Variants in VIRMA observed in about 807,000 individuals in gnomAD.
The protein encoded by VIRMA is vir like m6A methyltransferase associated.
Under a neutral mutation model 182.4 loss-of-function variants are expected in VIRMA, and 65 were observed. The observed-to-expected ratio is 0.36, with a 90% CI of 0.29 to 0.44. The LOEUF is 0.44. VIRMA is among the 20% of genes least tolerant of loss of function. The pLI is 1.00. For missense variants in VIRMA, 1,752 were observed against 2,158.1 expected (o/e 0.81, Z 3.73); for synonymous variants, 709 against 743.1 (o/e 0.95, Z 0.75).
At chr8:94,516,638 T>C (rs1814569318) in intron 10 of VIRMA, among the ~76,000 whole-genome samples, 2 of 152,160 alleles carry the variant, frequency 1.3e-5, no homozygotes, top group Admixed American at 6.5e-5. Flanking sequence ...ATATAGAATA[T>C]ATAGCTCAAA....
At chr8:94,496,268 G>C (rs376456605) in intron 18 of VIRMA, 60 bp downstream of exon 18, 1 of 1,424,020 alleles carries the variant, frequency 7.0e-7, no homozygotes. Context: ...CGAAATACTT[G>C]TACTAGTCAA....
intron 2 of VIRMA, among the ~76,000 whole-genome samples, chr8:94,539,059 A>G (rs970149245): frequency 1.4e-5 from 2 of 147,394 alleles, no homozygotes; most frequent in African/African-American, 5.0e-5. Context: ...ATGCCACTAC[A>G]CTGGGCTAAT....
intron 8 of VIRMA, among the ~76,000 whole-genome samples, chr8:94,525,582 T>C (rs1243483444): frequency 1.3e-5 from 2 of 152,192 alleles, no homozygotes; most frequent in African/African-American, 4.8e-5. Context: ...TCAATGAAAA[T>C]ATTAATCACA....
chr8:94,551,420 A>G (rs966388930), intron 1 of VIRMA, among the ~76,000 whole-genome samples: 1 of 152,212 alleles, frequency 6.6e-6, no homozygotes, highest in Non-Finnish European at 1.5e-5. Context: ...TCAAATCACA[A>G]TTTTGTGAAT....
intron 19 of VIRMA, among the ~76,000 whole-genome samples, chr8:94,495,493 T>A (rs1398446179): frequency 6.6e-6 from 1 of 150,634 alleles, no homozygotes; most frequent in Admixed American, 6.6e-5. Context: ...AATAAAACAA[T>A]GCCCTGATTT....
chr8:94,496,378 T>TGTAGAA lies in VIRMA; in HGVS notation c.4332_4333insTTCTAC (p.Ser1444_Lys1445insPheTyr). 1 of 1,613,462 alleles carries TGTAGAA rather than the reference T, an allele frequency of 6.2e-7. No homozygotes were observed. Among genetic ancestry groups the TGTAGAA allele is most frequent in the Non-Finnish European group, 8.5e-7 (1 of 1,179,792 alleles). Reference sequence around the variant, plus strand: ...AACAAATTTTCTGGACTTTCTTCTTTGCTTTGTAGAAGCTGTTTTAACTCT... The same window carrying TGTAGAA: ...AACAAATTTTCTGGACTTTCTTCTTTGTAGAAGCTTTGTAGAAGCTGTTTTAACTCT... On this transcript the variant is annotated inframe_insertion, in exon 18 of 24. Transcript: ENST00000297591.
At chr8:94,530,495 TC>T (rs1406230469) in intron 6 of VIRMA, among the ~76,000 whole-genome samples, 74 of 88,920 alleles carry the variant, frequency 8.3e-4, no homozygotes, top group Admixed American at 2.1e-3. Context: ...AAAACCTGTC[TC>T]AAAAAAAAAA....
chr8:94,524,499 T>A (rs949536007), intron 8 of VIRMA, among the ~76,000 whole-genome samples: 2 of 151,948 alleles, frequency 1.3e-5, no homozygotes, highest in Non-Finnish European at 2.9e-5. Context: ...GAGACAGGGT[T>A]TCGTCATGTT....
At chr8:94,527,773 TTTAAG>T (rs978838967) in intron 7 of VIRMA, among the ~76,000 whole-genome samples, 18 of 152,214 alleles carry the variant, frequency 1.2e-4, no homozygotes, top group Non-Finnish European at 1.3e-4. Context: ...AACTGGTTGT[TTTAAG>T]TTAAGTAAGA....
chr8:94,515,053 T>C, intron 10 of VIRMA, 102 bp from the exon 11 acceptor site: 1 of 573,654 alleles, frequency 1.7e-6, no homozygotes, highest in Non-Finnish European at 3.0e-6. Context: ...TCCATGTTGA[T>C]TTCAATCATC....
Position 94,491,908 on chromosome 8 carries a change from C to A in VIRMA, c.4810G>T (p.Gly1604Ter). The A allele has an allele frequency of 6.5e-7, 1 of 1,536,770 alleles. No individual in the cohort carries two copies. Among genetic ancestry groups the A allele is most frequent in the South Asian group, 1.3e-5 (1 of 79,546 alleles). ...GCAGGTTCAATGTATTCAGATTTTCCACTATTAAAACAAAAACATGCCATA... is the reference window on the plus strand; with the variant it reads ...GCAGGTTCAATGTATTCAGATTTTCAACTATTAAAACAAAAACATGCCATA... Reference protein sequence around the residue: ...HKHETFITSSGKSEYIEPAKR... With the variant: ...HKHETFITSS Residue 1604 changes from glycine (G) to a stop codon, truncating the protein, a stop_gained and splice_region_variant, in exon 22 of 24, where the codon GGA becomes TGA. Coordinates refer to ENST00000297591, the MANE Select transcript of VIRMA (RefSeq NM_015496.5). LOFTEE classifies it high-confidence loss of function.
chr8:94,511,639 A>G lies in VIRMA; in HGVS notation c.2936T>C (p.Leu979Ser), dbSNP rs541262682. The G allele has an allele frequency of 6.2e-7, 1 of 1,614,166 alleles. No individual in the cohort carries two copies. The highest frequency in any genetic ancestry group is 1.1e-5 in the South Asian group (1 of 91,084). Reference sequence around the variant, plus strand: ...CCAAGGCTGAGTCAGAATACTGTTCAATTTTTGCAGAACTCGAATAAACGT... The same window carrying G: ...CCAAGGCTGAGTCAGAATACTGTTCGATTTTTGCAGAACTCGAATAAACGT... ...MDTFIRVLQK[L>S]NSILTQPWRL... The change falls in exon 13 of 24, where the codon TTG (leucine) becomes TCG (serine). Residue 979 changes from leucine (L) to serine (S), a missense_variant. Physicochemically the swap from Leu to Ser is moderately radical, Grantham distance 145. Transcript: ENST00000297591.
At chr8:94,547,164 C>G (rs1320896289) in intron 1 of VIRMA, 1 of 350,214 alleles carries the variant, frequency 2.9e-6, no homozygotes, top group African/African-American at 2.2e-5. Context: ...GAAGACAGAC[C>G]TATGTCTTAG....
intron 2 of VIRMA, among the ~76,000 whole-genome samples, chr8:94,539,201 C>T (rs902073631): frequency 1.3e-5 from 2 of 152,024 alleles, no homozygotes; most frequent in Admixed American, 6.6e-5. Flanking sequence ...TGTTTCCTTT[C>T]GTTACCAAAA....
chr8:94,540,105 T>G (rs916662860), intron 2 of VIRMA, among the ~76,000 whole-genome samples: 1 of 152,208 alleles, frequency 6.6e-6, no homozygotes, highest in Non-Finnish European at 1.5e-5. Flanking sequence ...TTCTAGAAAG[T>G]GTTTTTACAG....
chr8:94,526,880 T>C lies in VIRMA; in HGVS notation c.1364A>G (p.Gln455Arg), dbSNP rs1287812659. 6.2e-7 allele frequency: 1 copy of C among 1,614,228 alleles called. No homozygotes were observed. Residue 455 changes from glutamine (Q) to arginine (R), a missense_variant, in exon 8 of 24, where the codon CAG becomes CGG. Gln to Arg is a conservative substitution (Grantham distance 43). This residue lies in a region of VIRMA where 401 missense variants were observed against 455.1 expected (regional missense o/e 0.88). Coordinates refer to ENST00000297591, the MANE Select transcript of VIRMA (RefSeq NM_015496.5). ...LRQPIALNVR[Q>R]LKAGTKLVSS... ...CACTAATTTGGTCCCAGCTTTGAGC[T>C]GTCGAACATTTAAGGCGATAGGTTG...
Position 94,489,990 on chromosome 8 carries a change from T to C in VIRMA, c.5233A>G (p.Ser1745Gly). 1 of 1,614,176 alleles carries C rather than the reference T, an allele frequency of 6.2e-7. No individual in the cohort carries two copies. The highest frequency in any genetic ancestry group is 8.5e-7 in the Non-Finnish European group (1 of 1,180,036). Reference protein sequence around the residue: ...GNYNESRGGQSNFNRGPLPPL... With the variant: ...GNYNESRGGQGNFNRGPLPPL... ...GGAAGAGGGCCTCTGTTAAAATTGCTCTGGCCTCCACGACTTTCATTGTAA... is the reference window on the plus strand; with the variant it reads ...GGAAGAGGGCCTCTGTTAAAATTGCCCTGGCCTCCACGACTTTCATTGTAA... The change falls in exon 23 of 24, where the codon AGC (serine) becomes GGC (glycine). Residue 1745 changes from serine (S) to glycine (G), a missense_variant. Ser to Gly is a moderately conservative substitution (Grantham distance 56). This residue lies in a region of VIRMA where 132 missense variants were observed against 173.8 expected (regional missense o/e 0.76). Transcript: ENST00000297591.
At chr8:94,528,420 A>T (rs55695806) in intron 7 of VIRMA, among the ~76,000 whole-genome samples, 22,604 of 152,124 alleles carry the variant, frequency 0.15, 2,084 homozygotes, top group South Asian at 0.3. Flanking sequence ...CTGAAATGAC[A>T]TTCATTTTTA....
intron 5 of VIRMA, among the ~76,000 whole-genome samples, chr8:94,531,828 T>A (rs541362520): frequency 6.6e-6 from 1 of 152,196 alleles, no homozygotes. Context: ...TTTTGGTACA[T>A]CTATATTTTG....
Sources: gnomAD v4.1 joint callset for allele counts (sites outside exome capture counted in the v4.1 genomes callset) on GRCh38, gnomAD v4.1.1 for gene constraint, gnomAD v4.1.1 regional missense constraint, MANE v1.5 for transcripts, NCBI Gene and HGNC (gene_info 2026-07-23, HGNC 2026-07-21) for gene names.